The following CAMTA1 variants were observed in gnomAD, a reference collection of about 807,000 sequenced individuals.
CAMTA1 encodes the protein calmodulin binding transcription activator 1, also known as calmodulin-binding transcription activator 1.
A neutral mutation model predicts 170.9 loss-of-function variants in CAMTA1; 27 were observed. That is an observed-to-expected ratio of 0.16 (90% CI 0.12 to 0.22). CAMTA1 has a LOEUF of 0.22. Among genes scored for constraint, CAMTA1 ranks in the 10% least tolerant of loss-of-function variants. The probability of loss-of-function intolerance (pLI) is 1.00; values close to 1 mark genes in which losing one functional copy is unlikely to be tolerated. For missense variants in CAMTA1, 1,619 were observed against 2,217.2 expected, an observed-to-expected ratio of 0.73 and a Z score of 5.42; for synonymous variants, 833 against 891.5, an observed-to-expected ratio of 0.93 and a Z score of 1.17.
At chr1:6,950,522 G>A (rs183404957) in intron 3 of CAMTA1, among the ~76,000 whole-genome samples, 68 of 152,260 alleles carry the variant, frequency 4.5e-4, no homozygotes, top group African/African-American at 1.5e-3. Flanking sequence ...AGCAGAAGGC[G>A]TTTTCTCACT....
At chr1:7,353,622 C>T (rs2084869732) in intron 5 of CAMTA1, among the ~76,000 whole-genome samples, 1 of 152,094 alleles carries the variant, frequency 6.6e-6, no homozygotes, top group African/African-American at 2.4e-5. Context: ...TGGGGTTTCA[C>T]CATGTTGGTC....
chr1:7,601,144 G>C (rs1300866188), intron 6 of CAMTA1, among the ~76,000 whole-genome samples: 2 of 147,634 alleles, frequency 1.4e-5, no homozygotes, highest in Non-Finnish European at 3.0e-5. Context: ...GGACGGGGCG[G>C]CTGGCCGGGC....
chr1:7,538,206 C>T (rs369288990), intron 6 of CAMTA1, among the ~76,000 whole-genome samples: 4 of 152,302 alleles, frequency 2.6e-5, no homozygotes, highest in African/African-American at 9.6e-5. Context: ...GGCCAATTCT[C>T]AGGCTACCAG....
chr1:7,393,573 A>T (rs1350586297), intron 5 of CAMTA1, among the ~76,000 whole-genome samples: 2 of 151,936 alleles, frequency 1.3e-5, no homozygotes, highest in Non-Finnish European at 1.5e-5. Flanking sequence ...TTTCACATTT[A>T]ATTGACACAG....
chr1:6,902,336 C>A (rs952387832), intron 3 of CAMTA1, among the ~76,000 whole-genome samples: 10 of 152,160 alleles, frequency 6.6e-5, no homozygotes, highest in Admixed American at 6.5e-4. Context: ...AAATGTCATT[C>A]AACTGGCCAA....
rs1198063974 is a variant in CAMTA1, at chr1:7,664,480, C to A, written c.1933C>A (p.Pro645Thr). ...LSDSGGTFVM[P>T]TVKTEASSQT... is the part of the protein sequence containing the mutation. The stretch of plus-strand genomic sequence containing the variant: ...TGACTCTGGGGGCACCTTCGTGATG[C>A]CCACGGTGAAAACGGAGGCCTCGTC... Residue 645 changes from proline (P) to threonine (T), a missense_variant, in exon 9 of 23, where the codon CCC becomes ACC. Pro to Thr is a conservative substitution (Grantham distance 38, BLOSUM62 -1). Transcript: ENST00000303635. 4.3e-6 allele frequency: 7 copies of A among 1,613,218 alleles called. No individual in the cohort carries two copies. Among genetic ancestry groups the A allele is most frequent in the Non-Finnish European group, 5.9e-6 (7 of 1,180,050 alleles).
In CAMTA1 at chr1:7,534,214, C is replaced by T; in HGVS notation, c.510+66313C>T. ...TTTTAATTGCCTGAAGGAAGAAATCCATTAGTCTTTCCTTTCCGTGAGAAA... is the reference window on the plus strand; with the variant it reads ...TTTTAATTGCCTGAAGGAAGAAATCTATTAGTCTTTCCTTTCCGTGAGAAA... On this transcript the variant is annotated intron_variant, in intron 6 of 22. Transcript: ENST00000303635. This position sits in a 1 kb window ranked among gnomAD's most constrained non-coding sequence, Gnocchi z 5.6. Among the ~76,000 whole-genome samples the T allele has an allele frequency of 6.6e-6, 1 of 152,174 alleles. No individual in the cohort carries two copies. Among genetic ancestry groups the T allele is most frequent in the South Asian group, 2.1e-4 (1 of 4,828 alleles).
chr1:7,704,977 G>A (rs1187672044), intron 11 of CAMTA1, among the ~76,000 whole-genome samples: 2 of 111,194 alleles, frequency 1.8e-5, no homozygotes, highest in African/African-American at 6.5e-5. Flanking sequence ...CGGGGCGGGG[G>A]CGGGGCCGGG....
intron 4 of CAMTA1, among the ~76,000 whole-genome samples, chr1:7,141,294 G>A (rs1219974149): frequency 1.3e-5 from 2 of 152,164 alleles, no homozygotes; most frequent in African/African-American, 4.8e-5. Flanking sequence ...TTCTCACAGT[G>A]GCATGTCAGG....
chr1:7,203,326 G>C (rs1657049171), intron 4 of CAMTA1, among the ~76,000 whole-genome samples: 1 of 151,968 alleles, frequency 6.6e-6, no homozygotes, highest in African/African-American at 2.4e-5. Flanking sequence ...GTTTTTGTCT[G>C]GTTTTGGTAT....
chr1:6,885,447 A>G (rs1202816409), intron 3 of CAMTA1, among the ~76,000 whole-genome samples: 2 of 152,216 alleles, frequency 1.3e-5, no homozygotes, highest in Non-Finnish European at 2.9e-5. Context: ...CAAACCATCC[A>G]AAGTATAACA....
chr1:7,412,946 A>G (rs1231316984), intron 5 of CAMTA1, among the ~76,000 whole-genome samples: 2 of 152,144 alleles, frequency 1.3e-5, no homozygotes, highest in Non-Finnish European at 2.9e-5. Flanking sequence ...GGTGTAAGGA[A>G]GGGATCCAGT....
chr1:7,716,970 A>G (rs112788800), intron 11 of CAMTA1, among the ~76,000 whole-genome samples: 1 of 152,220 alleles, frequency 6.6e-6, no homozygotes, highest in Non-Finnish European at 1.5e-5. Flanking sequence ...GCCATTGCCA[A>G]CATCAGAGCT....
intron 11 of CAMTA1, among the ~76,000 whole-genome samples, chr1:7,718,481 A>G (rs998576838): frequency 9.2e-5 from 14 of 151,382 alleles, no homozygotes; most frequent in African/African-American, 3.4e-4. Flanking sequence ...TTTCCTTTAT[A>G]TAACCCATTT....
Position 7,588,287 on chromosome 1 carries a change from C to T in CAMTA1, c.511-52113C>T, listed in dbSNP as rs146851818. On this transcript the variant is annotated intron_variant, in intron 6 of 22. Transcript: ENST00000303635. This position sits in a 1 kb window ranked among gnomAD's most constrained non-coding sequence, Gnocchi z 5.8. ...CCTCTGACACCCACGCTGGTGTGGC[C>T]CTGCTGGGGACCCCGGGTCTGTCAG... 2.0e-5 allele frequency among the ~76,000 whole-genome samples: 3 copies of T among 151,242 alleles called. No individual in the cohort carries two copies. The highest frequency in any genetic ancestry group is 7.4e-5 in the African/African-American group (3 of 40,534).
chr1:7,460,205 G>T (rs905057047), intron 5 of CAMTA1, among the ~76,000 whole-genome samples: 3 of 152,234 alleles, frequency 2.0e-5, no homozygotes, highest in African/African-American at 7.2e-5. Context: ...TCCCGTGGCG[G>T]CCCCTCTGCT....
At chr1:7,250,623 C>CTTTG (rs1373958307) in intron 5 of CAMTA1, among the ~76,000 whole-genome samples, 3 of 152,170 alleles carry the variant, frequency 2.0e-5, no homozygotes, top group Admixed American at 1.3e-4. Flanking sequence ...TTGTGACATG[C>CTTTG]TTTGTCATGA....
chr1:7,574,435 G>A (rs1208324946), intron 6 of CAMTA1, among the ~76,000 whole-genome samples: 3 of 152,206 alleles, frequency 2.0e-5, no homozygotes, highest in Non-Finnish European at 4.4e-5. Context: ...CGTTTGCACA[G>A]CCCAGGATGT....
chr1:7,596,491 A>G (rs1382861245), intron 6 of CAMTA1, among the ~76,000 whole-genome samples: 1 of 152,142 alleles, frequency 6.6e-6, no homozygotes, highest in Non-Finnish European at 1.5e-5. Flanking sequence ...TTCCCTGTCC[A>G]AGGGGCCGTG....
Sources: gnomAD v4.1 joint callset for allele counts (sites outside exome capture counted in the v4.1 genomes callset) on GRCh38, gnomAD v4.1.1 for gene constraint, Gnocchi (gnomAD v3.1) non-coding constraint, MANE v1.5 for transcripts, NCBI Gene and HGNC (gene_info 2026-07-23, HGNC 2026-07-21) for gene names.